The following TMEM120A variants were observed in gnomAD, a reference collection of about 807,000 sequenced individuals.
The protein encoded by TMEM120A is ion channel TACAN.
A neutral mutation model predicts 54.3 loss-of-function variants in TMEM120A; 45 were observed. The observed-to-expected ratio is 0.83, with a 90% CI of 0.65 to 1.06. The LOEUF (loss-of-function observed/expected upper bound fraction) is 1.06, where lower values mean the gene tolerates loss of function less well. TMEM120A is among the 50% of genes least tolerant of loss of function. The probability of loss-of-function intolerance (pLI) is 0.00; values close to 1 mark genes in which losing one functional copy is unlikely to be tolerated. For missense variants in TMEM120A, 424 were observed against 441.7 expected (o/e 0.96, Z 0.36); for synonymous variants, 204 against 178.5 (o/e 1.14, Z -1.14).
At chr7:75,989,589 C>T (rs1165009198) in intron 3 of TMEM120A, among the ~76,000 whole-genome samples, 1 of 151,850 alleles carries the variant, frequency 6.6e-6, no homozygotes, top group African/African-American at 2.4e-5. Flanking sequence ...CACCTACCCC[C>T]CAGCTCCCTG....
intron 1 of TMEM120A, among the ~76,000 whole-genome samples, chr7:75,992,857 C>T (rs1486005383): frequency 6.6e-6 from 1 of 152,202 alleles, no homozygotes; most frequent in Non-Finnish European, 1.5e-5. Context: ...GGCTGAAGTG[C>T]AATGGCAGGA....
chr7:75,992,020 G>T, intron 3 of TMEM120A, 124 bp downstream of exon 3: 1 of 654,972 alleles, frequency 1.5e-6, no homozygotes, highest in Non-Finnish European at 2.6e-6. Context: ...TCAGCACTGT[G>T]CCTCATTGCT....
At chr7:75,989,273 C>G (rs781892626) in intron 3 of TMEM120A, 49 bp from the exon 4 acceptor site, 3 of 1,251,648 alleles carry the variant, frequency 2.4e-6, no homozygotes, top group Non-Finnish European at 3.4e-6. Flanking sequence ...GACAGACAAG[C>G]CACCGGTACT....
chr7:75,991,546 C>A (rs946013449), intron 3 of TMEM120A, among the ~76,000 whole-genome samples: 1 of 152,164 alleles, frequency 6.6e-6, no homozygotes, highest in African/African-American at 2.4e-5. Context: ...GCTGGGATTA[C>A]AGGTGCATGC....
intron 3 of TMEM120A, among the ~76,000 whole-genome samples, chr7:75,990,102 C>T (rs1490700294): frequency 6.6e-5 from 10 of 152,144 alleles, no homozygotes; most frequent in African/African-American, 1.2e-4. Context: ...AGAATGCTCC[C>T]GGCACAGTGC....
At chr7:75,987,846 C>T (rs782385593) in intron 8 of TMEM120A, 36 bp from the exon 9 acceptor site, 2 of 1,604,128 alleles carry the variant, frequency 1.2e-6, no homozygotes, top group South Asian at 1.1e-5. Flanking sequence ...CAGGGCTGAG[C>T]CCCGGGAGGG....
chr7:75,986,983 G>GCCA lies in TMEM120A; in HGVS notation c.*186_*188dup. On this transcript the variant is annotated 3_prime_UTR_variant, in exon 12 of 12. Transcript: ENST00000493111. Reference sequence around the variant, plus strand: ...CCCCCAGGAGAACACACACGCTCAGGCCACCTCTGGGCCTCTCTTTATTGA... The same window carrying GCCA: ...CCCCCAGGAGAACACACACGCTCAGGCCACCACCTCTGGGCCTCTCTTTATTGA... 2 of 618,516 alleles carry GCCA rather than the reference G, an allele frequency of 3.2e-6. 1 individual carries two copies. Among genetic ancestry groups the GCCA allele is most frequent in the South Asian group, 3.9e-5 (2 of 51,050 alleles). 38.3% of individuals were successfully genotyped at this position (618,516 alleles called of 1,614,324 possible).
chr7:75,989,243 G>A lies in TMEM120A; in HGVS notation c.318-19C>T, dbSNP rs1459601986. 6 of 1,540,870 alleles carry A rather than the reference G, an allele frequency of 3.9e-6. No homozygotes were observed. The highest frequency in any genetic ancestry group is 5.3e-6 in the Non-Finnish European group (6 of 1,135,604). ...GTACAATCTAGGGAAGGGGGTGGCG[G>A]GGTGAGGAGAAGCCCGAGTGACAGA... On this transcript the variant is annotated intron_variant, in intron 3 of 11. Coordinates refer to ENST00000493111, the MANE Select transcript of TMEM120A (RefSeq NM_031925.3).
chr7:75,994,191 G>A (rs1474183990), intron 1 of TMEM120A, among the ~76,000 whole-genome samples: 2 of 152,202 alleles, frequency 1.3e-5, no homozygotes, highest in Admixed American at 1.3e-4. Context: ...CCGCCCGTGT[G>A]TGACTCAGGC....
At chr7:75,991,237 G>A (rs1275390758) in intron 3 of TMEM120A, among the ~76,000 whole-genome samples, 1 of 151,822 alleles carries the variant, frequency 6.6e-6, no homozygotes, top group African/African-American at 2.4e-5. Context: ...CACCGCCCCC[G>A]CCCGCCTACT....
chr7:75,990,763 G>A (rs548149376), intron 3 of TMEM120A, among the ~76,000 whole-genome samples: 2 of 151,734 alleles, frequency 1.3e-5, no homozygotes, highest in African/African-American at 4.8e-5. Flanking sequence ...GCCGGGTGTG[G>A]TGGCGGGCAC....
At position 75,987,371 on chromosome 7, in the gene TMEM120A, T is replaced by A. The variant is rs370518374; in HGVS notation, c.907A>T (p.Lys303Ter). The change falls in exon 11 of 12, where the codon AAG becomes TAG. Residue 303 changes from lysine to a stop codon, truncating the protein, a stop_gained. Coordinates refer to ENST00000493111, the MANE Select transcript of TMEM120A (RefSeq NM_031925.3). LOFTEE classifies it high-confidence loss of function. ...GGACCCCGGCTCACCTGCCACTCCT[T>A]GCACTGAGGGTCCTGGGCCAGGTTG... The part of the protein sequence containing the change: ...LFNLAQDPQC[K>*]EWQVLMCGFP... The A allele has an allele frequency of 1.9e-6, 3 of 1,566,122 alleles. No homozygotes were observed. Among genetic ancestry groups the A allele is most frequent in the Non-Finnish European group, 2.6e-6 (3 of 1,156,354 alleles).
At chr7:75,989,843 A>G (rs1554561488) in intron 3 of TMEM120A, among the ~76,000 whole-genome samples, 1 of 151,796 alleles carries the variant, frequency 6.6e-6, no homozygotes, top group African/African-American at 2.4e-5. Flanking sequence ...CCACCCGCCA[A>G]TTACACCACT....
chr7:75,987,095 C>G lies in TMEM120A; in HGVS notation c.*77G>C, dbSNP rs1265709448. 1 of 1,254,444 alleles carries G rather than the reference C, an allele frequency of 8.0e-7. No individual in the cohort carries two copies. The allele number at this position is 1,254,444 out of a possible 1,614,324, so 77.7% of individuals were successfully genotyped here. Reference sequence around the variant, plus strand: ...GAAGAGACCCCCTGATACACGCACACTCGAGGGGCGCCTCCCATCCCCTCC... The same window carrying G: ...GAAGAGACCCCCTGATACACGCACAGTCGAGGGGCGCCTCCCATCCCCTCC... On this transcript the variant is annotated 3_prime_UTR_variant, in exon 12 of 12. Transcript: ENST00000493111.
Position 75,988,415 on chromosome 7 carries a change from GC to G in TMEM120A, c.473+5del. The G allele has an allele frequency of 6.2e-7, 1 of 1,610,684 alleles. No homozygotes were observed. Among genetic ancestry groups the G allele is most frequent in the Non-Finnish European group, 8.5e-7 (1 of 1,178,800 alleles). On this transcript the variant is annotated splice_donor_5th_base_variant and intron_variant, in intron 5 of 11. Coordinates refer to ENST00000493111, the MANE Select transcript of TMEM120A (RefSeq NM_031925.3). ...GGTGGGTCCTCGGCCGGGGTGGGAC[GC>G]CCACCTGGAGTTGAGCAGGAAGCGG... is the stretch of plus-strand genomic sequence containing the variant.
intron 3 of TMEM120A, 22 bp from the exon 4 acceptor site, chr7:75,989,246 TGAG>T (rs1369149306): frequency 6.6e-7 from 1 of 1,525,750 alleles, no homozygotes; most frequent in Non-Finnish European, 8.9e-7. Flanking sequence ...GGTGGCGGGG[TGAG>T]GAGAAGCCCG....
rs782577808 is a variant in TMEM120A at position 75,987,274 on chromosome 7, G to A, written c.930C>T (p.Cys310=). 46 of 1,599,972 alleles carry A rather than the reference G, an allele frequency of 2.9e-5. No homozygotes were observed. Among genetic ancestry groups the A allele is most frequent in the Admixed American group, 3.5e-5 (2 of 57,900 alleles). ...PQCKEWQVLM[C]GFPFLLLFLG... ...GGAAAAGGAGGAGGAAGGGAAAGCC[G>A]CACATAAGCACCTGCCGGAGGAATA... The change falls in exon 12 of 12, where the codon TGC becomes TGT. Residue 310 remains cysteine, a synonymous_variant. Transcript: ENST00000493111.
Position 75,992,958 on chromosome 7 carries a change from A to G in TMEM120A, c.82-401T>C, listed in dbSNP as rs1563445466. ...GCTAGGATTACAGGCACCTGCCATC[A>G]TGCCTGGCTAATTTTTGTATTTTTG... On this transcript the variant is annotated intron_variant, in intron 1 of 11. Coordinates refer to ENST00000493111, the MANE Select transcript of TMEM120A (RefSeq NM_031925.3). Among the ~76,000 whole-genome samples the G allele has an allele frequency of 3.3e-5, 5 of 152,136 alleles. No individual in the cohort carries two copies. In the South Asian group the frequency reaches 1.0e-3, roughly 32 times the overall value.
rs1554560546 is a variant in TMEM120A at position 75,988,108 on chromosome 7, A to G, written c.604T>C (p.Phe202Leu). 6.2e-7 allele frequency: 1 copy of G among 1,609,740 alleles called. No individual in the cohort carries two copies. Among genetic ancestry groups the G allele is most frequent in the East Asian group, 2.2e-5 (1 of 44,760 alleles). ...WWVFHHYVST[F>L]LSGVMLTWPD... Reference sequence around the variant, plus strand: ...CACGTCAGCATGACTCCCGACAGGAAGGTGGACACGTAGTGATGGAACACC... The same window carrying G: ...CACGTCAGCATGACTCCCGACAGGAGGGTGGACACGTAGTGATGGAACACC... Residue 202 changes from phenylalanine (F) to leucine (L), a missense_variant, in exon 7 of 12, where the codon TTC becomes CTC. By Grantham distance (22) the Phe-to-Leu change is conservative (BLOSUM62 0). Transcript: ENST00000493111.
Sources: allele counts gnomAD v4.1 joint callset (sites outside exome capture counted in the v4.1 genomes callset), GRCh38; gene constraint gnomAD v4.1.1; transcripts MANE v1.5; gene names NCBI Gene and HGNC (gene_info 2026-07-23, HGNC 2026-07-21).